Variants in ACSL5 observed in about 807,000 individuals in gnomAD.
ACSL5 encodes the protein long-chain-fatty-acid--CoA ligase 5.
ACSL5 carries 50 observed loss-of-function variants against 84.9 expected under a neutral mutation model. The observed-to-expected ratio is 0.59, with a 90% CI of 0.47 to 0.75. The LOEUF is 0.75. ACSL5 is among the 30% of genes least tolerant of loss of function. The pLI, the probability that ACSL5 is intolerant of heterozygous loss-of-function variation, is 0.00. For synonymous variants in ACSL5, 280 were observed against 300.7 expected (o/e 0.93, Z 0.71); for missense variants, 775 against 830.4 (o/e 0.93, Z 0.82).
chr10:112,408,427 C>A lies in ACSL5; in HGVS notation c.438C>A (p.Ile146=). ...TTGAACTTCTCTCTGTACAGTGGAT[C>A]ATCTCCGAATTGGCTTGTTACACGT... ...GIFAQNRPEW[I]ISELACYTYS... Residue 146 remains isoleucine, a synonymous_variant, in exon 6 of 21, where the codon ATC becomes ATA. Transcript: ENST00000354655. The A allele has an allele frequency of 6.2e-7, 1 of 1,607,762 alleles. No homozygotes were observed. Among genetic ancestry groups the A allele is most frequent in the South Asian group, 1.1e-5 (1 of 90,914 alleles).
chr10:112,409,922 A>T (rs542621205), intron 7 of ACSL5, among the ~76,000 whole-genome samples: 51 of 152,230 alleles, frequency 3.4e-4, no homozygotes, highest in Non-Finnish European at 1.0e-4. Context: ...GATAATATAT[A>T]AATAGGGGTT....
chr10:112,397,075 C>T (rs951933078), intron 2 of ACSL5, among the ~76,000 whole-genome samples: 4 of 152,118 alleles, frequency 2.6e-5, no homozygotes, highest in Non-Finnish European at 4.4e-5. Flanking sequence ...GGACCACACC[C>T]GCAGCACCTG....
At position 112,427,309 on chromosome 10, in the gene ACSL5, A is replaced by T; in HGVS notation, c.2003A>T (p.Lys668Ile). ...TLKAKRGELS[K>I]YFRTQIDSLY... Reference sequence around the variant, plus strand: ...AAAGCAAAGCGAGGAGAGCTTTCCAAATACTTTCGGACCCAAATTGACAGC... The same window carrying T: ...AAAGCAAAGCGAGGAGAGCTTTCCATATACTTTCGGACCCAAATTGACAGC... The change falls in exon 21 of 21, where the codon AAA (lysine) becomes ATA (isoleucine). Residue 668 changes from lysine to isoleucine, a missense_variant. Coordinates refer to ENST00000354655, the MANE Select transcript of ACSL5 (RefSeq NM_203379.2). The T allele has an allele frequency of 6.2e-7, 1 of 1,613,858 alleles. No individual in the cohort carries two copies. The highest frequency in any genetic ancestry group is 2.2e-5 in the East Asian group (1 of 44,872).
chr10:112,411,165 C>T (rs887402252), intron 9 of ACSL5, among the ~76,000 whole-genome samples: 2 of 152,108 alleles, frequency 1.3e-5, no homozygotes, highest in African/African-American at 4.8e-5. Context: ...AGATGTGGGG[C>T]AGAGGGACAA....
At chr10:112,380,260 G>C (rs1849323405) in intron 1 of ACSL5, among the ~76,000 whole-genome samples, 1 of 152,086 alleles carries the variant, frequency 6.6e-6, no homozygotes, top group South Asian at 2.1e-4. Flanking sequence ...TATCTTAATG[G>C]ACTGACTTAA....
Position 112,428,274 on chromosome 10 carries a change from T to G in ACSL5, c.*916T>G. The G allele has an allele frequency of 2.6e-6, 1 of 389,300 alleles. No homozygotes were observed. The highest frequency in any genetic ancestry group is 1.4e-4 in the South Asian group (1 of 7,148). The allele number at this position is 389,300 out of a possible 1,614,324, so 24.1% of individuals were successfully genotyped here. A position where few individuals can be genotyped will look rare whatever the true frequency, so the allele number is the denominator to read the frequency against. On this transcript the variant is annotated 3_prime_UTR_variant, in exon 21 of 21. Coordinates refer to ENST00000354655, the MANE Select transcript of ACSL5 (RefSeq NM_203379.2). ...TTTTCTGTGAAGGAACCAACTGATC[T>G]CCCCCACCCTTGGATTAGAGTTCCT...
At chr10:112,423,585 T>G (rs1844561252) in intron 17 of ACSL5, among the ~76,000 whole-genome samples, 1 of 152,040 alleles carries the variant, frequency 6.6e-6, no homozygotes, top group African/African-American at 2.4e-5. Flanking sequence ...TCTTGCCTTA[T>G]TCCTTATCGA....
intron 2 of ACSL5, 126 bp from the exon 3 acceptor site, chr10:112,398,775 C>T (rs1204547668): frequency 1.4e-6 from 1 of 727,564 alleles, no homozygotes; most frequent in Non-Finnish European, 2.4e-6. Flanking sequence ...AATCAATTGA[C>T]TAGCGAAGAG....
At chr10:112,389,898 G>C (rs1488368823) in intron 1 of ACSL5, among the ~76,000 whole-genome samples, 2 of 152,098 alleles carry the variant, frequency 1.3e-5, no homozygotes, top group Non-Finnish European at 2.9e-5. Flanking sequence ...CGCTAATCTT[G>C]TAAGGTTAAA....
At chr10:112,389,201 C>G (rs996240551) in intron 1 of ACSL5, among the ~76,000 whole-genome samples, 6 of 152,106 alleles carry the variant, frequency 3.9e-5, no homozygotes, top group African/African-American at 1.4e-4. Flanking sequence ...AACCTAGACA[C>G]CAAGAATGGT....
Position 112,422,101 on chromosome 10 carries a change from A to G in ACSL5, c.1476+66A>G, listed in dbSNP as rs139224590. The G allele has an allele frequency of 5.2e-5, 81 of 1,551,132 alleles. No homozygotes were observed. The East Asian group carries it at 1.8e-3, about 35-fold the overall frequency. On this transcript the variant is annotated intron_variant, in intron 16 of 20. Coordinates refer to ENST00000354655, the MANE Select transcript of ACSL5 (RefSeq NM_203379.2). ...GAGGTTTATATCAGAAAGAGCAAATAATTGTAAGCAAACTTGGATTTGGCC... is the reference window on the plus strand; with the variant it reads ...GAGGTTTATATCAGAAAGAGCAAATGATTGTAAGCAAACTTGGATTTGGCC...
chr10:112,398,647 C>A (rs1228047860), intron 2 of ACSL5, among the ~76,000 whole-genome samples: 1 of 152,120 alleles, frequency 6.6e-6, no homozygotes, highest in Non-Finnish European at 1.5e-5. Context: ...TCAGGTGATC[C>A]ACCCGCCTCA....
intron 15 of ACSL5, 98 bp from the exon 16 acceptor site, chr10:112,421,849 C>A: frequency 7.1e-7 from 1 of 1,410,202 alleles, no homozygotes; most frequent in Non-Finnish European, 1.0e-6. Context: ...ATTTTTCAGT[C>A]TTCCTCTTCT....
In ACSL5 at chr10:112,427,373, G is replaced by A. The variant is rs760800944; in HGVS notation, c.*15G>A. 3 of 1,604,594 alleles carry A rather than the reference G, an allele frequency of 1.9e-6. No individual in the cohort carries two copies. The highest frequency in any genetic ancestry group is 2.6e-6 in the Non-Finnish European group (3 of 1,175,924). ...TCCAGGATTAGGATAAGGTACTTAA[G>A]TACCTGCCGGCCCACTGTGCACTGC... On this transcript the variant is annotated 3_prime_UTR_variant, in exon 21 of 21. Coordinates refer to ENST00000354655, the MANE Select transcript of ACSL5 (RefSeq NM_203379.2).
chr10:112,411,986 G>C lies in ACSL5; in HGVS notation c.948+7G>C. The stretch of plus-strand genomic sequence containing the variant: ...GTTTGAGAGGATTGTACAGGTGAGT[G>C]TTCTGTGTTCCTAGCAGTATGTGGC... On this transcript the variant is annotated splice_region_variant and intron_variant, in intron 11 of 20. Transcript: ENST00000354655. The C allele has an allele frequency of 6.2e-7, 1 of 1,608,196 alleles. No individual in the cohort carries two copies. Among genetic ancestry groups the C allele is most frequent in the Non-Finnish European group, 8.5e-7 (1 of 1,174,574 alleles).
At chr10:112,387,835 T>A (rs772956505) in intron 1 of ACSL5, among the ~76,000 whole-genome samples, 7 of 152,046 alleles carry the variant, frequency 4.6e-5, no homozygotes, top group Admixed American at 1.3e-4. Flanking sequence ...GAAGGCAGAT[T>A]TTTTTAAAGC....
At chr10:112,403,069 A>G (rs1263087828) in intron 3 of ACSL5, among the ~76,000 whole-genome samples, 1 of 152,226 alleles carries the variant, frequency 6.6e-6, no homozygotes, top group Non-Finnish European at 1.5e-5. Context: ...ACTGAAGACA[A>G]ATGCATGAGT....
intron 1 of ACSL5, among the ~76,000 whole-genome samples, chr10:112,389,238 G>C (rs1008778081): frequency 4.6e-5 from 7 of 152,088 alleles, no homozygotes; most frequent in Non-Finnish European, 1.0e-4. Context: ...GAGGTGTGAA[G>C]GCAGAAGGCG....
At chr10:112,416,782 T>G in intron 12 of ACSL5, 106 bp from the exon 13 acceptor site, 12 of 1,278,474 alleles carry the variant, frequency 9.4e-6, no homozygotes, top group African/African-American at 1.5e-5. Context: ...TGTGAGACTG[T>G]GAGACCACTT....
Sources: allele counts gnomAD v4.1 joint callset (sites outside exome capture counted in the v4.1 genomes callset), GRCh38; gene constraint gnomAD v4.1.1; transcripts MANE v1.5; gene names NCBI Gene and HGNC (gene_info 2026-07-23, HGNC 2026-07-21).